The following SHB variants were observed in gnomAD, a reference collection of about 807,000 sequenced individuals.
SHB encodes SH2 domain containing adaptor protein B, also known as SH2 domain-containing adapter protein B.
In SHB, 20 loss-of-function variants were observed where a neutral mutation model predicts 52.3. The ratio of observed to expected loss-of-function variants is 0.38; its 90% CI spans 0.27 to 0.56. SHB has a LOEUF of 0.56. Among genes scored for constraint, SHB ranks in the 20% least tolerant of loss-of-function variants. The probability of loss-of-function intolerance (pLI) is 0.71; values close to 1 mark genes in which losing one functional copy is unlikely to be tolerated. For synonymous variants in SHB, 397 were observed against 316.5 expected (o/e 1.25, Z -2.70); for missense variants, 825 against 723.3 (o/e 1.14, Z -1.61).
chr9:37,953,884 G>A (rs1193939870), intron 4 of SHB, among the ~76,000 whole-genome samples: 3 of 152,218 alleles, frequency 2.0e-5, no homozygotes, highest in African/African-American at 7.2e-5. Context: ...TTAATCGTGG[G>A]GAGATGAGAC....
intron 1 of SHB, among the ~76,000 whole-genome samples, chr9:38,031,428 G>A (rs1306002096): frequency 1.3e-5 from 2 of 152,208 alleles, no homozygotes; most frequent in African/African-American, 4.8e-5. Flanking sequence ...CCTTTAAGGT[G>A]AGTAAGTTTA....
chr9:37,966,449 C>T (rs1222694446), intron 3 of SHB, among the ~76,000 whole-genome samples: 1 of 152,006 alleles, frequency 6.6e-6, no homozygotes, highest in Non-Finnish European at 1.5e-5. Context: ...AATAGAAAAA[C>T]CAACTGGAAA....
intron 2 of SHB, among the ~76,000 whole-genome samples, chr9:38,014,097 G>A (rs1821178815): frequency 6.6e-6 from 1 of 152,102 alleles, no homozygotes; most frequent in African/African-American, 2.4e-5. Context: ...CAAAGCGCAG[G>A]CCATACTTTG....
At chr9:38,011,679 C>T (rs2118066739) in intron 2 of SHB, among the ~76,000 whole-genome samples, 1 of 152,356 alleles carries the variant, frequency 6.6e-6, no homozygotes, top group South Asian at 2.1e-4. Context: ...TGCTGGCTGT[C>T]TTGCCTCTGC....
intron 5 of SHB, among the ~76,000 whole-genome samples, chr9:37,940,119 C>A (rs1304881815): frequency 6.6e-6 from 1 of 152,118 alleles, no homozygotes; most frequent in Admixed American, 6.5e-5. Flanking sequence ...GGATTTGAAC[C>A]CAGGTCTCCT....
intron 1 of SHB, among the ~76,000 whole-genome samples, chr9:38,050,710 T>C (rs1352145935): frequency 1.3e-5 from 2 of 152,204 alleles, no homozygotes; most frequent in South Asian, 2.1e-4. Context: ...TGAATATATA[T>C]GGAACTAGAA....
intron 2 of SHB, among the ~76,000 whole-genome samples, chr9:37,983,348 G>A (rs138109688): frequency 1.3e-5 from 2 of 152,206 alleles, no homozygotes; most frequent in Non-Finnish European, 2.9e-5. Flanking sequence ...GAGGTTGCTC[G>A]AGAGGGCTGG....
At chr9:38,044,572 G>A (rs1467348122) in intron 1 of SHB, among the ~76,000 whole-genome samples, 1 of 152,180 alleles carries the variant, frequency 6.6e-6, no homozygotes, top group Admixed American at 6.5e-5. Flanking sequence ...ACCTGCCACT[G>A]AGGAGAATCA....
intron 1 of SHB, among the ~76,000 whole-genome samples, chr9:38,056,849 A>T (rs774501042): frequency 6.6e-6 from 1 of 152,276 alleles, no homozygotes; most frequent in Non-Finnish European, 1.5e-5. Flanking sequence ...ACCCTGCAGC[A>T]GAAAAGGATG....
chr9:37,930,358 C>A (rs1156869332), intron 5 of SHB, among the ~76,000 whole-genome samples: 1 of 151,404 alleles, frequency 6.6e-6, no homozygotes, highest in African/African-American at 2.4e-5. Flanking sequence ...GATTCTCTGG[C>A]AAGACCAGCA....
intron 2 of SHB, among the ~76,000 whole-genome samples, chr9:37,997,775 C>G (rs1195400052): frequency 6.6e-6 from 1 of 152,214 alleles, no homozygotes; most frequent in African/African-American, 2.4e-5. Flanking sequence ...CCGAGGCACT[C>G]TGCTCCATCA....
intron 2 of SHB, among the ~76,000 whole-genome samples, chr9:37,987,939 T>C (rs2118005856): frequency 6.6e-6 from 1 of 152,136 alleles, no homozygotes; most frequent in Non-Finnish European, 1.5e-5. Context: ...CCTCTACCTA[T>C]ATACCCTGGG....
chr9:37,942,241 A>G (rs983195457), intron 5 of SHB, among the ~76,000 whole-genome samples: 3 of 152,226 alleles, frequency 2.0e-5, no homozygotes, highest in African/African-American at 7.2e-5. Flanking sequence ...GGCTGCTCTA[A>G]GCCGGATACA....
rs1163799039 is a variant in SHB, at chr9:38,059,566, GA to G, written c.717+8362del. Among the ~76,000 whole-genome samples the G allele has an allele frequency of 1.3e-5, 2 of 152,200 alleles. 1 individual carries two copies. Among genetic ancestry groups the G allele is most frequent in the Non-Finnish European group, 2.9e-5 (2 of 68,034 alleles). On this transcript the variant is annotated intron_variant, in intron 1 of 5. Transcript: ENST00000377707. Reference sequence around the variant, plus strand: ...TGAAACATTAATAGAAATATTACTGGAAAATACCAAACAGGAAGAGAAGGAA... The same window carrying G: ...TGAAACATTAATAGAAATATTACTGGAAATACCAAACAGGAAGAGAAGGAA...
At chr9:38,005,227 G>A (rs1564099826) in intron 2 of SHB, among the ~76,000 whole-genome samples, 1 of 152,218 alleles carries the variant, frequency 6.6e-6, no homozygotes, top group Non-Finnish European at 1.5e-5. Context: ...CTTGGGAGAC[G>A]GCCCCTCTTT....
At chr9:38,059,338 G>A (rs949701795) in intron 1 of SHB, among the ~76,000 whole-genome samples, 1 of 150,918 alleles carries the variant, frequency 6.6e-6, no homozygotes, top group Non-Finnish European at 1.5e-5. Context: ...CACTGGGCCT[G>A]AGTCACTCAG....
Position 38,015,993 on chromosome 9 carries a change from C to T in SHB, c.838+18G>A, listed in dbSNP as rs761285242. 5.6e-6 allele frequency: 9 copies of T among 1,613,272 alleles called. No homozygotes were observed. The East Asian group carries it at 6.7e-5, about 12-fold the overall frequency. ...CTACAACCCCAGCTGTGAGCCCCTG[C>T]GCTTCAGCTCCACTTACCTGTCATG... On this transcript the variant is annotated intron_variant, in intron 2 of 5. Coordinates refer to ENST00000377707, the MANE Select transcript of SHB (RefSeq NM_003028.3).
At chr9:37,968,969 G>A (rs1681378049) in intron 3 of SHB, among the ~76,000 whole-genome samples, 1 of 152,156 alleles carries the variant, frequency 6.6e-6, no homozygotes, top group Non-Finnish European at 1.5e-5. Context: ...CCCATGGGAT[G>A]GCGCTGGTCC....
chr9:37,934,425 G>A (rs1037824693), intron 5 of SHB, among the ~76,000 whole-genome samples: 5 of 152,108 alleles, frequency 3.3e-5, no homozygotes, highest in Admixed American at 2.0e-4. Context: ...AGCCTCCTGA[G>A]TAGTTTAGGA....
Sources: gnomAD v4.1 joint callset for allele counts (sites outside exome capture counted in the v4.1 genomes callset) on GRCh38, gnomAD v4.1.1 for gene constraint, MANE v1.5 for transcripts, NCBI Gene and HGNC (gene_info 2026-07-23, HGNC 2026-07-21) for gene names.